SGCZ: variants seen among roughly 807,000 people sequenced by gnomAD.
The protein encoded by SGCZ is sarcoglycan zeta.
Under a neutral mutation model 41.3 loss-of-function variants are expected in SGCZ, and 40 were observed. That is an observed-to-expected ratio of 0.97 (90% CI 0.75 to 1.26). The LOEUF (loss-of-function observed/expected upper bound fraction) is 1.26. SGCZ is among the 50% of genes most tolerant of loss of function. SGCZ has a pLI of 0.00. For missense variants in SGCZ, 552 were observed against 369.8 expected (o/e 1.49, Z -4.04); for synonymous variants, 206 against 137.5 (o/e 1.50, Z -3.49).
chr8:15,221,310 G>C (rs1801593548), intron 1 of SGCZ, among the ~76,000 whole-genome samples: 1 of 152,172 alleles, frequency 6.6e-6, no homozygotes, highest in Non-Finnish European at 1.5e-5. Context: ...TAACATGGGA[G>C]TGGGGGAGTG....
intron 1 of SGCZ, among the ~76,000 whole-genome samples, chr8:14,981,668 C>A (rs1315501277): frequency 6.6e-6 from 1 of 152,116 alleles, no homozygotes; most frequent in African/African-American, 2.4e-5. Flanking sequence ...TCACCACAGC[C>A]AATGTACATG....
At chr8:14,651,859 G>A (rs748001835) in intron 1 of SGCZ, among the ~76,000 whole-genome samples, 1 of 151,676 alleles carries the variant, frequency 6.6e-6, no homozygotes, top group Non-Finnish European at 1.5e-5. Context: ...GAATGTTTCT[G>A]ACATATATTT....
chr8:14,958,434 G>C (rs985857566), intron 1 of SGCZ, among the ~76,000 whole-genome samples: 15 of 151,980 alleles, frequency 9.9e-5, no homozygotes, highest in Admixed American at 6.6e-5. Flanking sequence ...GATACGTTAG[G>C]TAACATGGTA....
At chr8:14,326,131 G>A (rs1358685302) in intron 2 of SGCZ, among the ~76,000 whole-genome samples, 1,616 of 15,870 alleles carry the variant, frequency 0.1, 6 homozygotes, top group Non-Finnish European at 0.14. Context: ...AAAAAAAAAA[G>A]ATGAGGACGT....
At chr8:14,525,189 TA>T (rs1802909719) in intron 2 of SGCZ, among the ~76,000 whole-genome samples, 1 of 70,992 alleles carries the variant, frequency 1.4e-5, no homozygotes, top group Admixed American at 1.5e-4. Context: ...GATAGATAGA[TA>T]GATAGACAGA....
intron 2 of SGCZ, among the ~76,000 whole-genome samples, chr8:14,456,370 T>C (rs889972805): frequency 3.3e-5 from 5 of 152,064 alleles, no homozygotes; most frequent in Admixed American, 6.5e-5. Flanking sequence ...ACTGCACCAT[T>C]GCACTCCAGC....
At chr8:15,174,577 G>A (rs62499847) in intron 1 of SGCZ, among the ~76,000 whole-genome samples, 1 of 152,142 alleles carries the variant, frequency 6.6e-6, no homozygotes, top group Non-Finnish European at 1.5e-5. Context: ...GAATTTTTGA[G>A]TTGAAGTCAA....
intron 2 of SGCZ, among the ~76,000 whole-genome samples, chr8:14,345,763 T>C (rs17119119): frequency 0.12 from 18,120 of 152,100 alleles, 1,438 homozygotes; most frequent in East Asian, 0.27. Context: ...TTGACTTCAA[T>C]GGAAAGAAAA....
chr8:14,676,646 A>G (rs9325727), intron 1 of SGCZ, among the ~76,000 whole-genome samples: 83,976 of 151,988 alleles, frequency 0.55, 24,534 homozygotes, highest in East Asian at 0.76. Context: ...TGGCATTAGA[A>G]AAATACAAGA....
intron 1 of SGCZ, among the ~76,000 whole-genome samples, chr8:15,042,962 G>A (rs148609425): frequency 2.6e-5 from 4 of 152,150 alleles, no homozygotes; most frequent in East Asian, 1.9e-4. Context: ...AGTCATAAAC[G>A]GTTTCTCCAA....
chr8:14,220,808 A>AACAAACAG (rs1331052230), intron 4 of SGCZ, among the ~76,000 whole-genome samples: 1 of 151,658 alleles, frequency 6.6e-6, no homozygotes, highest in Non-Finnish European at 1.5e-5. Flanking sequence ...CAAACAAACA[A>AACAAACAG]AATAATCGGA....
intron 1 of SGCZ, among the ~76,000 whole-genome samples, chr8:14,753,944 A>G (rs1408437423): frequency 6.6e-6 from 1 of 152,190 alleles, no homozygotes; most frequent in African/African-American, 2.4e-5. Context: ...TAGCTCTAAC[A>G]TTCTGCTTTA....
chr8:14,104,519 G>A (rs1315462504), intron 6 of SGCZ, among the ~76,000 whole-genome samples: 1 of 151,978 alleles, frequency 6.6e-6, no homozygotes, highest in Admixed American at 6.6e-5. Context: ...AGTTGCAAGA[G>A]GCAATTATTA....
intron 1 of SGCZ, among the ~76,000 whole-genome samples, chr8:14,674,426 G>A (rs188760279): frequency 2.0e-5 from 3 of 152,136 alleles, no homozygotes; most frequent in Non-Finnish European, 4.4e-5. Context: ...TAATTGTACA[G>A]AAGTAGCTAA....
chr8:15,214,109 A>C (rs1801322332), intron 1 of SGCZ, among the ~76,000 whole-genome samples: 2 of 152,028 alleles, frequency 1.3e-5, no homozygotes, highest in African/African-American at 4.8e-5. Context: ...ATGTTCTCTG[A>C]TGATCAGCCA....
chr8:14,181,948 C>A (rs1362672729), intron 4 of SGCZ, among the ~76,000 whole-genome samples: 1 of 152,040 alleles, frequency 6.6e-6, no homozygotes. Flanking sequence ...ATGAGTTAAC[C>A]CAATTAGGTT....
At chr8:14,187,440 T>C (rs1360777123) in intron 4 of SGCZ, among the ~76,000 whole-genome samples, 2 of 152,288 alleles carry the variant, frequency 1.3e-5, no homozygotes, top group East Asian at 1.9e-4. Flanking sequence ...TATGTTCAAA[T>C]AATTGAAGAC....
At chr8:14,504,998 A>C (rs2117060586) in intron 2 of SGCZ, among the ~76,000 whole-genome samples, 1 of 152,062 alleles carries the variant, frequency 6.6e-6, no homozygotes, top group South Asian at 2.1e-4. Flanking sequence ...GGTTTGTTGC[A>C]GTTTTGATAC....
At chr8:14,383,768 G>A (rs916274932) in intron 2 of SGCZ, among the ~76,000 whole-genome samples, 7 of 152,106 alleles carry the variant, frequency 4.6e-5, no homozygotes, top group Admixed American at 2.6e-4. Flanking sequence ...ATTTAGTGAG[G>A]TTGTAAGATC....
Sources: gnomAD v4.1 joint callset for allele counts (sites outside exome capture counted in the v4.1 genomes callset) on GRCh38, gnomAD v4.1.1 for gene constraint, MANE v1.5 for transcripts, NCBI Gene and HGNC (gene_info 2026-07-23, HGNC 2026-07-21) for gene names.